Variants in STX8 observed in about 807,000 individuals in gnomAD.
The protein encoded by STX8 is syntaxin 8.
In STX8, 23 loss-of-function variants were observed where a neutral mutation model predicts 37.5. That is an observed-to-expected ratio of 0.61 (90% confidence interval 0.44 to 0.87). The LOEUF (loss-of-function observed/expected upper bound fraction) is 0.87, where lower values mean the gene tolerates loss of function less well. STX8 is among the 40% of genes least tolerant of loss of function. STX8 has a pLI of 0.00. For missense variants in STX8, 313 were observed against 284.7 expected (o/e 1.10, Z -0.71); for synonymous variants, 115 against 99.1 (o/e 1.16, Z -0.95).
At chr17:9,462,495 G>A (rs1905438606) in intron 6 of STX8, among the ~76,000 whole-genome samples, 1 of 152,194 alleles carries the variant, frequency 6.6e-6, no homozygotes, top group Admixed American at 6.5e-5. Flanking sequence ...GCCGAGGTGG[G>A]AGGATCACTT....
At chr17:9,447,698 C>T (rs1389539536) in intron 6 of STX8, among the ~76,000 whole-genome samples, 1 of 151,746 alleles carries the variant, frequency 6.6e-6, no homozygotes, top group Non-Finnish European at 1.5e-5. Flanking sequence ...GCTGGGATTA[C>T]AGGCGTGAGC....
intron 1 of STX8, among the ~76,000 whole-genome samples, chr17:9,573,552 T>A (rs1907768206): frequency 6.6e-6 from 1 of 152,190 alleles, no homozygotes. Context: ...AAAAGCAAGC[T>A]GTTCCCCAAC....
chr17:9,403,685 C>T (rs915035960), intron 6 of STX8, among the ~76,000 whole-genome samples: 2 of 151,746 alleles, frequency 1.3e-5, no homozygotes, highest in Non-Finnish European at 2.9e-5. Flanking sequence ...CTCGCTCTGT[C>T]GCCCAGGCTG....
intron 6 of STX8, among the ~76,000 whole-genome samples, chr17:9,397,276 A>G (rs1408499332): frequency 6.6e-6 from 1 of 152,170 alleles, no homozygotes; most frequent in Non-Finnish European, 1.5e-5. Flanking sequence ...GGTGCCTGTA[A>G]TCTCAGCTAC....
intron 7 of STX8, among the ~76,000 whole-genome samples, chr17:9,262,432 TC>T (rs1390476326): frequency 6.6e-6 from 1 of 152,146 alleles, no homozygotes; most frequent in Non-Finnish European, 1.5e-5. Flanking sequence ...GCTCGGGAGG[TC>T]CCAGGCCCTG....
chr17:9,559,760 A>ATATATT, intron 2 of STX8, among the ~76,000 whole-genome samples: 3 of 24,498 alleles, frequency 1.2e-4, no homozygotes, highest in African/African-American at 1.9e-4. Context: ...ATATATATAT[A>ATATATT]TTTTTTTTTT....
chr17:9,376,714 GA>G (rs1911601143), intron 7 of STX8, among the ~76,000 whole-genome samples: 1 of 152,172 alleles, frequency 6.6e-6, no homozygotes, highest in Admixed American at 6.5e-5. Flanking sequence ...GCGAGACCAC[GA>G]ACCCACCGGA....
intron 6 of STX8, among the ~76,000 whole-genome samples, chr17:9,462,231 G>A (rs1233999667): frequency 1.3e-5 from 2 of 152,090 alleles, no homozygotes; most frequent in African/African-American, 4.8e-5. Context: ...GTCACACAGA[G>A]GCCAAGCGCA....
intron 7 of STX8, among the ~76,000 whole-genome samples, chr17:9,274,694 A>AATG (rs1201665673): frequency 4.0e-5 from 5 of 126,282 alleles, no homozygotes; most frequent in African/African-American, 1.4e-4. Context: ...TAATAATAAT[A>AATG]ATAATAATAA....
chr17:9,336,660 T>C (rs1597612026), intron 7 of STX8, among the ~76,000 whole-genome samples: 1 of 152,274 alleles, frequency 6.6e-6, no homozygotes, highest in Non-Finnish European at 1.5e-5. Context: ...GGTGTCGAAC[T>C]CCTGATCTTG....
chr17:9,387,672 C>T (rs1381384826), intron 6 of STX8, among the ~76,000 whole-genome samples: 1 of 152,202 alleles, frequency 6.6e-6, no homozygotes, highest in Middle Eastern at 3.2e-3. Flanking sequence ...TGTACTTGGC[C>T]TTGTAGTTGA....
chr17:9,436,844 A>G (rs1904450716), intron 6 of STX8, among the ~76,000 whole-genome samples: 1 of 152,236 alleles, frequency 6.6e-6, no homozygotes, highest in Non-Finnish European at 1.5e-5. Flanking sequence ...CTCTCTGGGC[A>G]AGATATTGAC....
At chr17:9,278,294 C>T (rs957202003) in intron 7 of STX8, among the ~76,000 whole-genome samples, 3 of 152,164 alleles carry the variant, frequency 2.0e-5, no homozygotes, top group African/African-American at 7.2e-5. Context: ...ACTAAAAATA[C>T]AAAATTAGCC....
At chr17:9,441,954 C>T (rs1338155378) in intron 6 of STX8, among the ~76,000 whole-genome samples, 3 of 152,098 alleles carry the variant, frequency 2.0e-5, no homozygotes, top group East Asian at 1.9e-4. Context: ...GGATTACATA[C>T]CGCGCCTGGC....
intron 7 of STX8, among the ~76,000 whole-genome samples, chr17:9,254,462 C>T (rs905647863): frequency 4.0e-5 from 6 of 151,446 alleles, no homozygotes; most frequent in African/African-American, 9.7e-5. Flanking sequence ...GTGACGTGAT[C>T]TTGGCTCACT....
chr17:9,251,645 C>T (rs533805659), intron 7 of STX8, among the ~76,000 whole-genome samples: 35 of 152,276 alleles, frequency 2.3e-4, no homozygotes, highest in South Asian at 4.2e-4. Context: ...GACTGCTGAA[C>T]GCCACGGTAG....
At chr17:9,282,148 T>C (rs918219668) in intron 7 of STX8, among the ~76,000 whole-genome samples, 11 of 151,442 alleles carry the variant, frequency 7.3e-5, no homozygotes, top group Non-Finnish European at 1.6e-4. Context: ...TTTGTTTTGT[T>C]TTGAGATGGA....
intron 7 of STX8, among the ~76,000 whole-genome samples, chr17:9,301,385 A>G (rs1908774693): frequency 6.6e-6 from 1 of 152,118 alleles, no homozygotes; most frequent in Non-Finnish European, 1.5e-5. Flanking sequence ...AATCATGTTA[A>G]TATGTTTCCT....
chr17:9,382,839 C>T (rs990592002), intron 6 of STX8, among the ~76,000 whole-genome samples: 4 of 152,172 alleles, frequency 2.6e-5, no homozygotes, highest in Non-Finnish European at 4.4e-5. Context: ...GATGAAACCA[C>T]AAGAGAAAGC....
Sources: allele counts gnomAD v4.1 joint callset (sites outside exome capture counted in the v4.1 genomes callset), GRCh38; gene constraint gnomAD v4.1.1; transcripts MANE v1.5; gene names NCBI Gene and HGNC (gene_info 2026-07-23, HGNC 2026-07-21).